CNIH3: variants seen among roughly 807,000 people sequenced by gnomAD.
The protein encoded by CNIH3 is protein cornichon homolog 3.
CNIH3 carries 14 observed loss-of-function variants against 24.1 expected under a neutral mutation model. The observed-to-expected ratio is 0.58, with a 90% CI of 0.38 to 0.91. CNIH3 has a LOEUF of 0.91. CNIH3 is among the 40% of genes least tolerant of loss of function. CNIH3 has a pLI of 0.00. For missense variants in CNIH3, 178 were observed against 196.8 expected (o/e 0.90, Z 0.57); for synonymous variants, 68 against 73.8 (o/e 0.92, Z 0.40).
intron 1 of CNIH3, among the ~76,000 whole-genome samples, chr1:224,473,819 T>C (rs1676463101): frequency 6.6e-6 from 1 of 152,178 alleles, no homozygotes; most frequent in Non-Finnish European, 1.5e-5. Flanking sequence ...TTACAGAACG[T>C]TTCATCCAAT....
At chr1:224,688,462 G>C (rs1686765714) in intron 3 of CNIH3, among the ~76,000 whole-genome samples, 1 of 152,082 alleles carries the variant, frequency 6.6e-6, no homozygotes, top group Non-Finnish European at 1.5e-5. Context: ...AGAATGTAGA[G>C]GAACGCATAG....
chr1:224,495,889 G>A (rs1677417236), intron 1 of CNIH3, among the ~76,000 whole-genome samples: 1 of 152,136 alleles, frequency 6.6e-6, no homozygotes, highest in Admixed American at 6.5e-5. Context: ...AAGAGTTTGA[G>A]ATCAGCCTGT....
chr1:224,680,829 G>A, intron 1 of CNIH3, 129 bp from the exon 2 acceptor site: 1 of 694,722 alleles, frequency 1.4e-6, no homozygotes, highest in Non-Finnish European at 2.6e-6. Context: ...ACCAGCTGCT[G>A]GCCAATCTCA....
chr1:224,550,972 C>A (rs963991921), intron 3 of CNIH3, among the ~76,000 whole-genome samples: 4 of 150,894 alleles, frequency 2.7e-5, no homozygotes, highest in African/African-American at 9.7e-5. Flanking sequence ...TTTGTCCTTG[C>A]GATAGTTTGC....
intron 3 of CNIH3, among the ~76,000 whole-genome samples, chr1:224,694,786 G>A (rs1026836934): frequency 2.0e-5 from 3 of 152,146 alleles, no homozygotes; most frequent in Non-Finnish European, 2.9e-5. Flanking sequence ...AGGCCTTTGC[G>A]GCAACTTGGA....
At chr1:224,454,928 G>C (rs761582477) in intron 1 of CNIH3, among the ~76,000 whole-genome samples, 2 of 152,108 alleles carry the variant, frequency 1.3e-5, no homozygotes, top group Admixed American at 6.6e-5. Context: ...TAACCTGGAG[G>C]GGGTGGTGGC....
chr1:224,470,613 C>A (rs1676332284), intron 1 of CNIH3, among the ~76,000 whole-genome samples: 1 of 152,164 alleles, frequency 6.6e-6, no homozygotes, highest in African/African-American at 2.4e-5. Context: ...AGCCACCACA[C>A]CCAGCCCTCT....
rs186484699 is a variant in CNIH3, at chr1:224,554,256, A to C, written n.450+7317A>C. ...TGAAGAAGCATCTCCACCTTTGCAC[A>C]CACTCACCTGGGAAAGACATAAAAA... On this transcript the variant is annotated intron_variant and non_coding_transcript_variant, in intron 3 of 5. Transcript: ENST00000471578. Among the ~76,000 whole-genome samples the C allele has an allele frequency of 3.3e-5, 5 of 152,280 alleles. No homozygotes were observed. In the East Asian group the frequency reaches 9.6e-4, roughly 29 times the overall value.
chr1:224,533,547 G>C (rs983527915), intron 2 of CNIH3, among the ~76,000 whole-genome samples: 2 of 152,192 alleles, frequency 1.3e-5, no homozygotes, highest in Admixed American at 6.5e-5. Flanking sequence ...CTGGAAGTCT[G>C]TCATCGAGGT....
intron 1 of CNIH3, among the ~76,000 whole-genome samples, chr1:224,631,395 C>G (rs1289997378): frequency 6.6e-6 from 1 of 152,182 alleles, no homozygotes; most frequent in Non-Finnish European, 1.5e-5. Flanking sequence ...TAATCAGTGG[C>G]TTCTCTGGGC....
chr1:224,573,723 C>G (rs1018035350), intron 4 of CNIH3, among the ~76,000 whole-genome samples: 65 of 152,066 alleles, frequency 4.3e-4, no homozygotes, highest in Non-Finnish European at 8.8e-5. Context: ...CCATGTTTGT[C>G]TTTTTTCCAT....
intron 3 of CNIH3, among the ~76,000 whole-genome samples, chr1:224,705,850 C>CTTTTTTTTTTTTTTTTTTTTTTTTTT (rs61128987): frequency 5.5e-5 from 5 of 90,208 alleles, no homozygotes; most frequent in African/African-American, 7.1e-5. Context: ...TCTTTCTTTT[C>CTTTTTTTTTTTTTTTTTTTTTTTTTT]TTTTTTTTCT....
chr1:224,540,050 C>T (rs1186063589), downstream of CNIH3, among the ~76,000 whole-genome samples: 4 of 152,162 alleles, frequency 2.6e-5, no homozygotes, highest in Admixed American at 2.0e-4. Context: ...CAGCACACAA[C>T]GTGGGTAATT....
intron 1 of CNIH3, among the ~76,000 whole-genome samples, chr1:224,508,941 G>T (rs1276903106): frequency 1.3e-5 from 2 of 152,206 alleles, no homozygotes; most frequent in African/African-American, 4.8e-5. Context: ...CTAGGCATTT[G>T]AGTAAAAGCT....
At chr1:224,600,267 G>A (rs112468243) in intron 3 of CNIH3, among the ~76,000 whole-genome samples, 1,626 of 149,678 alleles carry the variant, frequency 0.011, 36 homozygotes, top group African/African-American at 0.037. Context: ...TTGGCTCACC[G>A]CAACCTCCAC....
chr1:224,452,578 G>C (rs189915269), intron 1 of CNIH3, among the ~76,000 whole-genome samples: 1 of 149,740 alleles, frequency 6.7e-6, no homozygotes, highest in East Asian at 2.1e-4. Context: ...TCAGGAGATT[G>C]AGACCATCCT....
chr1:224,539,132 C>T (rs1013047925), downstream of CNIH3, among the ~76,000 whole-genome samples: 8 of 152,270 alleles, frequency 5.3e-5, no homozygotes, highest in Non-Finnish European at 7.3e-5. Context: ...ATTTCTCTTC[C>T]GTAACTAAAA....
rs766158701 is a variant in CNIH3 at position 224,617,252 on chromosome 1, G to T, written c.78G>T (p.Trp26Cys). Reference protein sequence around the residue: ...LCAALIFFAIWHIIAFDELRT... With the variant: ...LCAALIFFAICHIIAFDELRT... ...CTGCGCTCATCTTCTTCGCCATCTGGCACGTGAGTAACACGCTTTGGTCTC... is the reference window on the plus strand; with the variant it reads ...CTGCGCTCATCTTCTTCGCCATCTGTCACGTGAGTAACACGCTTTGGTCTC... Residue 26 changes from tryptophan to cysteine, a missense_variant, in exon 1 of 6, where the codon TGG (tryptophan) becomes TGT (cysteine). Physicochemically the swap from Trp to Cys is radical, Grantham distance 215 (BLOSUM62 -2). Transcript: ENST00000272133. The T allele has an allele frequency of 6.2e-7, 1 of 1,613,804 alleles. No individual in the cohort carries two copies. Among genetic ancestry groups the T allele is most frequent in the South Asian group, 1.1e-5 (1 of 91,040 alleles).
intron 1 of CNIH3, among the ~76,000 whole-genome samples, chr1:224,519,618 TA>T (rs1460315365): frequency 2.7e-5 from 4 of 149,640 alleles, no homozygotes; most frequent in African/African-American, 7.3e-5. Flanking sequence ...ATAATATATA[TA>T]ATATACACAT....
Sources: gnomAD v4.1 joint callset for allele counts (sites outside exome capture counted in the v4.1 genomes callset) on GRCh38, gnomAD v4.1.1 for gene constraint, MANE v1.5 for transcripts, NCBI Gene and HGNC (gene_info 2026-07-23, HGNC 2026-07-21) for gene names.